FOXP2: variants seen among roughly 807,000 people sequenced by gnomAD.
FOXP2 encodes the protein forkhead box protein P2.
In FOXP2, 12 loss-of-function variants were observed where a neutral mutation model predicts 115.8. The ratio of observed to expected loss-of-function variants is 0.10; its 90% CI spans 0.07 to 0.17. FOXP2 has a LOEUF of 0.17. FOXP2 is among the 10% of genes least tolerant of loss of function. The probability of loss-of-function intolerance (pLI) is 1.00; values close to 1 mark genes in which losing one functional copy is unlikely to be tolerated. For synonymous variants in FOXP2, 328 were observed against 297.7 expected (o/e 1.10, Z -1.05); for missense variants, 629 against 843.5 (o/e 0.75, Z 3.15).
At chr7:114,271,232 G>A (rs1292735849) in intron 1 of FOXP2, among the ~76,000 whole-genome samples, 1 of 151,406 alleles carries the variant, frequency 6.6e-6, no homozygotes, top group Non-Finnish European at 1.5e-5. Context: ...AACAAAGAGA[G>A]TTTTATTTTA....
chr7:114,622,931 C>T (rs979829161), intron 3 of FOXP2, among the ~76,000 whole-genome samples: 4 of 151,826 alleles, frequency 2.6e-5, no homozygotes, highest in African/African-American at 7.2e-5. Flanking sequence ...GCTCACTAGC[C>T]ATATAAACAT....
At chr7:114,398,328 TAGAC>T (rs1177170652) in intron 2 of FOXP2, among the ~76,000 whole-genome samples, 1 of 152,008 alleles carries the variant, frequency 6.6e-6, no homozygotes, top group Non-Finnish European at 1.5e-5. Context: ...ACTTCTTAAA[TAGAC>T]AATAAATGAA....
rs192662224 is a variant in FOXP2 at position 114,255,940 on chromosome 7, G to A, written c.-101-32079G>A. The stretch of plus-strand genomic sequence containing the variant: ...TATTCGGCCATCGTGGAACCGCCCC[G>A]GTTCTAGGTCTTTGAGGAATCACCA... On this transcript the variant is annotated intron_variant, in intron 1 of 17. Transcript: ENST00000634411. Among the ~76,000 whole-genome samples, 588 of 152,200 alleles carry A rather than the reference G, an allele frequency of 3.9e-3. 7 individuals are homozygous for A. Among genetic ancestry groups the A allele is most frequent in the African/African-American group, 0.014 (565 of 41,536 alleles).
chr7:114,599,227 A>G (rs1224806811), intron 3 of FOXP2, among the ~76,000 whole-genome samples: 1 of 152,230 alleles, frequency 6.6e-6, no homozygotes, highest in East Asian at 1.9e-4. Flanking sequence ...CTACTCTATC[A>G]GATTAAGGAA....
intron 1 of FOXP2, among the ~76,000 whole-genome samples, chr7:114,117,373 C>T (rs138725586): frequency 2.5e-3 from 375 of 151,932 alleles, no homozygotes; most frequent in African/African-American, 8.6e-3. Context: ...AGATGTGCAC[C>T]ACCACGCCCA....
At chr7:114,103,606 T>C (rs1316209000) in intron 1 of FOXP2, among the ~76,000 whole-genome samples, 1 of 152,024 alleles carries the variant, frequency 6.6e-6, no homozygotes, top group South Asian at 2.1e-4. Context: ...TTATGTGTTA[T>C]GTTCTTTCTT....
chr7:114,530,669 G>A (rs1043775750), intron 2 of FOXP2, among the ~76,000 whole-genome samples: 2 of 151,900 alleles, frequency 1.3e-5, no homozygotes, highest in South Asian at 2.1e-4. Flanking sequence ...TATCTGGCAG[G>A]TTACAAAGCA....
chr7:114,221,240 ATAT>A (rs1177379214), intron 1 of FOXP2, among the ~76,000 whole-genome samples: 1 of 152,130 alleles, frequency 6.6e-6, no homozygotes, highest in Non-Finnish European at 1.5e-5. Context: ...CTGAATTATA[ATAT>A]TCTTCATATG....
At chr7:114,359,717 G>C (rs923208896) in intron 2 of FOXP2, among the ~76,000 whole-genome samples, 1 of 152,194 alleles carries the variant, frequency 6.6e-6, no homozygotes, top group African/African-American at 2.4e-5. Flanking sequence ...ACTTGCATGC[G>C]GCCTGCAGCC....
chr7:114,466,898 A>G (rs1485919013), intron 2 of FOXP2, among the ~76,000 whole-genome samples: 1 of 152,216 alleles, frequency 6.6e-6, no homozygotes, highest in Admixed American at 6.5e-5. Context: ...ACACTTTTCA[A>G]AATTGAAATT....
At chr7:114,138,202 G>T (rs1400205179) in intron 1 of FOXP2, among the ~76,000 whole-genome samples, 2 of 152,128 alleles carry the variant, frequency 1.3e-5, no homozygotes, top group African/African-American at 2.4e-5. Context: ...TACTCCTTCA[G>T]TGTGTGCTGT....
rs555353585 is a variant in FOXP2 at position 114,691,453 on chromosome 7, G to T, written c.*1527G>T. On this transcript the variant is annotated 3_prime_UTR_variant, in exon 17 of 17. Coordinates refer to ENST00000350908, the MANE Select transcript of FOXP2 (RefSeq NM_014491.4). ...TATAATTCTGCCTCTGCTTATACGG[G>T]ATATTAACACTAACAATACACTCCC... 4.4e-6 allele frequency: 2 copies of T among 453,926 alleles called. No individual in the cohort carries two copies. Among genetic ancestry groups the T allele is most frequent in the African/African-American group, 2.0e-5 (1 of 50,076 alleles). 28.1% of individuals were successfully genotyped at this position (453,926 alleles called of 1,614,324 possible). A position where few individuals can be genotyped will look rare whatever the true frequency, so the allele number is the denominator to read the frequency against.
intron 1 of FOXP2, among the ~76,000 whole-genome samples, chr7:114,238,535 G>C (rs1049655334): frequency 1.3e-5 from 2 of 152,186 alleles, no homozygotes; most frequent in African/African-American, 4.8e-5. Flanking sequence ...AGATTTGGGA[G>C]GCTGAGATGG....
At chr7:114,120,794 C>T (rs1369802371) in intron 1 of FOXP2, among the ~76,000 whole-genome samples, 2 of 151,808 alleles carry the variant, frequency 1.3e-5, no homozygotes, top group Non-Finnish European at 2.9e-5. Flanking sequence ...TTACATTTTA[C>T]AAAGGAAACT....
intron 2 of FOXP2, among the ~76,000 whole-genome samples, chr7:114,330,267 TA>T (rs1319129461): frequency 1.3e-5 from 2 of 152,020 alleles, no homozygotes; most frequent in East Asian, 3.9e-4. Flanking sequence ...ATTCTATCAT[TA>T]AAAAGTTTAA....
chr7:114,635,074 C>G (rs1304280725), intron 6 of FOXP2, among the ~76,000 whole-genome samples: 1 of 151,988 alleles, frequency 6.6e-6, no homozygotes, highest in Non-Finnish European at 1.5e-5. Flanking sequence ...CATTATAGAA[C>G]TAGAGATTCT....
chr7:114,358,991 T>A (rs1791680171), intron 2 of FOXP2, among the ~76,000 whole-genome samples: 1 of 152,186 alleles, frequency 6.6e-6, no homozygotes, highest in Non-Finnish European at 1.5e-5. Flanking sequence ...CAAATGTTAA[T>A]CACCAAGACA....
chr7:114,235,336 C>T (rs1363540487), intron 1 of FOXP2, among the ~76,000 whole-genome samples: 1 of 151,916 alleles, frequency 6.6e-6, no homozygotes. Flanking sequence ...TAATCTTCCT[C>T]TGGCAACAGG....
chr7:114,629,729 G>C, intron 4 of FOXP2, 76 bp from the exon 5 acceptor site: 1 of 1,607,256 alleles, frequency 6.2e-7, no homozygotes, highest in Non-Finnish European at 8.5e-7. Flanking sequence ...CCATATGCCA[G>C]TCTAGAAGAG....
Sources: allele counts gnomAD v4.1 joint callset (sites outside exome capture counted in the v4.1 genomes callset), GRCh38; gene constraint gnomAD v4.1.1; transcripts MANE v1.5; gene names NCBI Gene and HGNC (gene_info 2026-07-23, HGNC 2026-07-21).